Variants in LRP1B observed in about 807,000 individuals in gnomAD.
LRP1B encodes low-density lipoprotein receptor-related protein 1B.
LRP1B carries 217 observed loss-of-function variants against 556.6 expected under a neutral mutation model. The observed-to-expected ratio is 0.39, with a 90% confidence interval of 0.35 to 0.44. The LOEUF (loss-of-function observed/expected upper bound fraction) is 0.44. Among genes scored for constraint, LRP1B ranks in the 20% least tolerant of loss-of-function variants. LRP1B has a pLI of 1.00. For missense variants in LRP1B, 5,053 were observed against 5,620.8 expected, an observed-to-expected ratio of 0.90 and a Z score of 3.23; for synonymous variants, 2,047 against 1,865.8, an observed-to-expected ratio of 1.10 and a Z score of -2.50.
At chr2:141,154,687 C>A (rs1190885601) in intron 7 of LRP1B, among the ~76,000 whole-genome samples, 1 of 151,746 alleles carries the variant, frequency 6.6e-6, no homozygotes, top group Non-Finnish European at 1.5e-5. Flanking sequence ...TTCAACACTC[C>A]ATTATTATCT....
Position 141,909,526 on chromosome 2 carries a change from ATTTTTTTTTTTTTTTTTT to A in LRP1B, c.83-99143_83-99126del, listed in dbSNP as rs377577096. ...ATTTAATCAGACTAAGGTCTCAGACATTTTTTTTTTTTTTTTTTTTTTTTTTTTTTTTTTACCTCTGGA... is the reference window on the plus strand; with the variant it reads ...ATTTAATCAGACTAAGGTCTCAGACATTTTTTTTTTTTTTTTACCTCTGGA... On this transcript the variant is annotated intron_variant, in intron 1 of 90. Coordinates refer to ENST00000389484, the MANE Select transcript of LRP1B (RefSeq NM_018557.3). Among the ~76,000 whole-genome samples, 77 of 93,404 alleles carry A rather than the reference ATTTTTTTTTTTTTTTTTT, an allele frequency of 8.2e-4. 1 individual carries two copies. The highest frequency in any genetic ancestry group is 3.2e-3 in the African/African-American group (68 of 21,472). 61.3% of individuals were successfully genotyped at this position (93,404 alleles called of 152,430 possible). A position where few individuals can be genotyped will look rare whatever the true frequency, so the allele number is the denominator to read the frequency against.
intron 7 of LRP1B, among the ~76,000 whole-genome samples, chr2:141,179,668 A>G (rs1050052231): frequency 6.6e-6 from 1 of 151,994 alleles, no homozygotes; most frequent in Non-Finnish European, 1.5e-5. Flanking sequence ...TGACAAAACA[A>G]CCACCACCAC....
intron 20 of LRP1B, among the ~76,000 whole-genome samples, chr2:140,936,034 G>A (rs1324679898): frequency 1.3e-5 from 2 of 149,748 alleles, no homozygotes; most frequent in African/African-American, 2.4e-5. Flanking sequence ...TAAATTCAAA[G>A]TGTCAAAAGA....
chr2:141,370,158 G>A (rs1689179477), intron 3 of LRP1B, among the ~76,000 whole-genome samples: 1 of 152,022 alleles, frequency 6.6e-6, no homozygotes, highest in Admixed American at 6.6e-5. Flanking sequence ...AGTATCTACT[G>A]GGTAGATACT....
At chr2:142,049,764 C>A (rs539196632) in intron 1 of LRP1B, among the ~76,000 whole-genome samples, 79 of 152,108 alleles carry the variant, frequency 5.2e-4, no homozygotes, top group Non-Finnish European at 1.1e-3. Context: ...TATTGAAACA[C>A]TGATTCCATT....
Position 141,466,957 on chromosome 2 carries a change from A to G in LRP1B, c.343+13439T>C, listed in dbSNP as rs964078169. Among the ~76,000 whole-genome samples, 27 of 148,148 alleles carry G rather than the reference A, an allele frequency of 1.8e-4. 1 individual carries two copies. The East Asian group carries it at 5.1e-3, about 28-fold the overall frequency. Reference sequence around the variant, plus strand: ...AAAAGGAAGTGCTCAGGGGATATATATATATATATATATATCCCTAACTGG... The same window carrying G: ...AAAAGGAAGTGCTCAGGGGATATATGTATATATATATATATCCCTAACTGG... On this transcript the variant is annotated intron_variant, in intron 3 of 90. Transcript: ENST00000389484.
chr2:140,393,664 T>C (rs1484600414), intron 66 of LRP1B, among the ~76,000 whole-genome samples: 4 of 151,972 alleles, frequency 2.6e-5, no homozygotes, highest in Non-Finnish European at 2.9e-5. Context: ...AATAAATAAA[T>C]AAATAAATAA....
chr2:141,468,640 T>C (rs886553657), intron 3 of LRP1B, among the ~76,000 whole-genome samples: 1 of 152,168 alleles, frequency 6.6e-6, no homozygotes, highest in Admixed American at 6.5e-5. Context: ...ACTAAAGTAA[T>C]ATTTAATTAA....
At chr2:140,712,143 G>A (rs957256173) in intron 37 of LRP1B, among the ~76,000 whole-genome samples, 3 of 152,048 alleles carry the variant, frequency 2.0e-5, no homozygotes, top group African/African-American at 7.2e-5. Context: ...TCTCCCACAA[G>A]TGCTGAAAGT....
intron 66 of LRP1B, among the ~76,000 whole-genome samples, chr2:140,436,835 G>A (rs1341437654): frequency 6.6e-6 from 1 of 152,082 alleles, no homozygotes; most frequent in Non-Finnish European, 1.5e-5. Flanking sequence ...GACCTGGAAA[G>A]ATAAGTGTCA....
At chr2:141,057,831 C>T (rs1191312840) in intron 9 of LRP1B, among the ~76,000 whole-genome samples, 1 of 151,790 alleles carries the variant, frequency 6.6e-6, no homozygotes, top group Admixed American at 6.6e-5. Flanking sequence ...CCTTCAAATA[C>T]CTCAAGTCAT....
chr2:140,841,858 CA>C (rs1692115422), intron 29 of LRP1B, among the ~76,000 whole-genome samples: 1 of 152,078 alleles, frequency 6.6e-6, no homozygotes, highest in Non-Finnish European at 1.5e-5. Context: ...AGGATAAATG[CA>C]GAAAATCTTT....
intron 7 of LRP1B, among the ~76,000 whole-genome samples, chr2:141,073,801 A>G (rs538139965): frequency 2.0e-5 from 3 of 152,008 alleles, no homozygotes; most frequent in Admixed American, 2.0e-4. Context: ...TCTATGTCCA[A>G]CTTATCACCA....
At chr2:140,279,784 C>T (rs1393569647) in intron 84 of LRP1B, among the ~76,000 whole-genome samples, 1 of 151,806 alleles carries the variant, frequency 6.6e-6, no homozygotes, top group Non-Finnish European at 1.5e-5. Context: ...AATAGAGAAA[C>T]TTAATAGTTA....
At chr2:140,485,313 A>T (rs112109442) in intron 59 of LRP1B, 30 bp downstream of exon 59, 73,180 of 1,567,830 alleles carry the variant, frequency 0.047, 1,990 homozygotes, top group African/African-American at 0.081. Context: ...CCAGTCTTAA[A>T]CTTTAAGATT....
At chr2:141,706,387 A>G (rs1243854353) in intron 2 of LRP1B, among the ~76,000 whole-genome samples, 1 of 152,098 alleles carries the variant, frequency 6.6e-6, no homozygotes, top group Non-Finnish European at 1.5e-5. Context: ...TCAGAACCTA[A>G]CACTACATAA....
At chr2:141,065,984 C>T (rs992692663) in intron 7 of LRP1B, among the ~76,000 whole-genome samples, 10 of 151,850 alleles carry the variant, frequency 6.6e-5, no homozygotes, top group African/African-American at 2.4e-4. Context: ...TTTGTTCTCA[C>T]CTGTGTTATC....
At chr2:142,115,346 A>G (rs1707149499) in intron 1 of LRP1B, among the ~76,000 whole-genome samples, 2 of 149,020 alleles carry the variant, frequency 1.3e-5, no homozygotes, top group Non-Finnish European at 3.0e-5. Context: ...GAGGAGGCAA[A>G]CTGAAAGAGC....
intron 86 of LRP1B, among the ~76,000 whole-genome samples, chr2:140,256,266 C>A (rs563894126): frequency 6.6e-6 from 1 of 151,802 alleles, no homozygotes; most frequent in South Asian, 2.1e-4. Flanking sequence ...CAAGTCACCT[C>A]GTTTCAGATT....
Sources: allele counts gnomAD v4.1 joint callset (sites outside exome capture counted in the v4.1 genomes callset), GRCh38; gene constraint gnomAD v4.1.1; transcripts MANE v1.5; gene names NCBI Gene and HGNC (gene_info 2026-07-23, HGNC 2026-07-21).